The following RPS6KC1 variants were observed in gnomAD, a reference collection of about 807,000 sequenced individuals.
The protein encoded by RPS6KC1 is ribosomal protein S6 kinase C1.
In RPS6KC1, 54 loss-of-function variants were observed where a neutral mutation model predicts 103.8. The ratio of observed to expected loss-of-function variants is 0.52; its 90% CI spans 0.42 to 0.65. The LOEUF is 0.65. RPS6KC1 is among the 30% of genes least tolerant of loss of function. The pLI is 0.00. For synonymous variants in RPS6KC1, 439 were observed against 438.7 expected (o/e 1.00, Z -0.01); for missense variants, 1,151 against 1,253.8 (o/e 0.92, Z 1.24).
chr1:213,445,672 C>T, the RPS6KC1 span, among the ~76,000 whole-genome samples: 1 of 152,146 alleles, frequency 6.6e-6, no homozygotes, highest in Non-Finnish European at 1.5e-5. Flanking sequence ...ACTGGGAAAA[C>T]AAAACACAAC....
At chr1:213,495,478 T>C in the RPS6KC1 span, among the ~76,000 whole-genome samples, 1 of 152,176 alleles carries the variant, frequency 6.6e-6, no homozygotes, top group East Asian at 1.9e-4. Flanking sequence ...CATGCCACCA[T>C]GGCTGGCTAA....
At chr1:213,157,929 C>A (rs1054624402) in intron 6 of RPS6KC1, among the ~76,000 whole-genome samples, 1 of 152,042 alleles carries the variant, frequency 6.6e-6, no homozygotes, top group African/African-American at 2.4e-5. Context: ...CTATTATTGT[C>A]TGTGGTAACT....
At chr1:213,629,282 A>G in the RPS6KC1 span, among the ~76,000 whole-genome samples, 52 of 152,036 alleles carry the variant, frequency 3.4e-4, 1 homozygote, top group African/African-American at 1.0e-3. Flanking sequence ...TTGGGTGCAT[A>G]TATATTTAGG....
At chr1:213,327,727 G>T in the RPS6KC1 span, among the ~76,000 whole-genome samples, 1 of 152,202 alleles carries the variant, frequency 6.6e-6, no homozygotes, top group Admixed American at 6.5e-5. Context: ...GGAAGAAAAA[G>T]TATTCAGAGA....
the RPS6KC1 span, among the ~76,000 whole-genome samples, chr1:213,550,914 C>T: frequency 6.6e-6 from 1 of 152,182 alleles, no homozygotes; most frequent in Non-Finnish European, 1.5e-5. Context: ...ACAGTTTCAG[C>T]GTTCTACTGT....
the RPS6KC1 span, among the ~76,000 whole-genome samples, chr1:213,364,466 G>A: frequency 6.6e-6 from 1 of 152,172 alleles, no homozygotes; most frequent in Non-Finnish European, 1.5e-5. Flanking sequence ...CTGGGCTGTG[G>A]TTGTGGTTGT....
At chr1:213,568,322 C>T in the RPS6KC1 span, among the ~76,000 whole-genome samples, 8 of 152,286 alleles carry the variant, frequency 5.3e-5, no homozygotes, top group East Asian at 1.5e-3. Context: ...ATGTCATTAA[C>T]CAGATTAGTG....
At chr1:213,183,911 AT>A (rs1214004009) in intron 8 of RPS6KC1, among the ~76,000 whole-genome samples, 1 of 152,172 alleles carries the variant, frequency 6.6e-6, no homozygotes, top group Non-Finnish European at 1.5e-5. Flanking sequence ...TACACCAATT[AT>A]TACTGTCAGG....
the RPS6KC1 span, among the ~76,000 whole-genome samples, chr1:213,782,503 A>G: frequency 6.6e-6 from 1 of 152,158 alleles, no homozygotes; most frequent in Admixed American, 6.5e-5. Context: ...AATGAGAAGT[A>G]GAACATTACT....
intron 8 of RPS6KC1, among the ~76,000 whole-genome samples, chr1:213,227,203 G>A (rs1298903249): frequency 1.3e-5 from 2 of 152,182 alleles, no homozygotes; most frequent in Non-Finnish European, 2.9e-5. Context: ...TCATTCTTGT[G>A]TCTTTAGTTT....
At chr1:213,294,456 A>G in the RPS6KC1 span, among the ~76,000 whole-genome samples, 1 of 152,174 alleles carries the variant, frequency 6.6e-6, no homozygotes, top group Non-Finnish European at 1.5e-5. Context: ...GCTCATTGGC[A>G]ATGACTCCTA....
chr1:213,177,658 C>T (rs1345247469), intron 8 of RPS6KC1, among the ~76,000 whole-genome samples: 6 of 151,992 alleles, frequency 3.9e-5, no homozygotes, highest in Admixed American at 3.9e-4. Context: ...ATTTTCATAA[C>T]CGTGTTTTCT....
chr1:213,439,480 A>G, the RPS6KC1 span, among the ~76,000 whole-genome samples: 807 of 152,204 alleles, frequency 5.3e-3, 9 homozygotes, highest in Non-Finnish European at 8.7e-3. Flanking sequence ...GGTTTAAGAT[A>G]GCTAGCAAAG....
At chr1:213,114,615 G>T (rs1248646360) in intron 4 of RPS6KC1, among the ~76,000 whole-genome samples, 1 of 151,128 alleles carries the variant, frequency 6.6e-6, no homozygotes, top group Non-Finnish European at 1.5e-5. Context: ...TGGTGAGAGA[G>T]GGCATCCCTG....
At chr1:213,283,264 G>A in the RPS6KC1 span, among the ~76,000 whole-genome samples, 255 of 152,324 alleles carry the variant, frequency 1.7e-3, no homozygotes, top group African/African-American at 5.8e-3. Context: ...AAGATGTGCT[G>A]CTGCTCCTGC....
the RPS6KC1 span, among the ~76,000 whole-genome samples, chr1:213,516,759 A>T: frequency 2.0e-5 from 3 of 152,162 alleles, no homozygotes; most frequent in Non-Finnish European, 1.5e-5. Flanking sequence ...GTTAGGGAGG[A>T]TTCCCTCTTT....
At chr1:213,656,108 A>G in the RPS6KC1 span, among the ~76,000 whole-genome samples, 12 of 152,200 alleles carry the variant, frequency 7.9e-5, no homozygotes, top group African/African-American at 2.4e-4. Flanking sequence ...AAAGTTTCTG[A>G]CTTGGGTACC....
the RPS6KC1 span, among the ~76,000 whole-genome samples, chr1:213,583,144 T>G: frequency 6.6e-6 from 1 of 152,256 alleles, no homozygotes; most frequent in Non-Finnish European, 1.5e-5. Context: ...CACTCACATT[T>G]GTTCATTCAT....
In RPS6KC1 at chr1:213,058,007, A is replaced by G. The variant is rs1372570941; in HGVS notation, c.105+6498A>G. On this transcript the variant is annotated intron_variant, in intron 1 of 14. Coordinates refer to ENST00000366960, the MANE Select transcript of RPS6KC1 (RefSeq NM_012424.6). ...GGTCTCAAACTCCTGGTCTCAAGCAATCTGCCTGTCTTGGCCTTCCAAAGT... is the reference window on the plus strand; with the variant it reads ...GGTCTCAAACTCCTGGTCTCAAGCAGTCTGCCTGTCTTGGCCTTCCAAAGT... Among the ~76,000 whole-genome samples, 3 of 147,706 alleles carry G rather than the reference A, an allele frequency of 2.0e-5. 1 individual carries two copies. In the Middle Eastern group the frequency reaches 0.011, roughly 539 times the overall value.
Sources: gnomAD v4.1 joint callset for allele counts (sites outside exome capture counted in the v4.1 genomes callset) on GRCh38, gnomAD v4.1.1 for gene constraint, MANE v1.5 for transcripts, NCBI Gene and HGNC (gene_info 2026-07-23, HGNC 2026-07-21) for gene names.